The following NUP214 variants were observed in gnomAD, a reference collection of about 807,000 sequenced individuals.
The protein encoded by NUP214 is nuclear pore complex protein Nup214.
A neutral mutation model predicts 196.2 loss-of-function variants in NUP214; 79 were observed. That is an observed-to-expected ratio of 0.40 (90% CI 0.34 to 0.49). The LOEUF is 0.49. Ranked by LOEUF, NUP214 falls within the 20% of genes least tolerant of loss-of-function variation. The pLI is 0.58. For synonymous variants in NUP214, 1,020 were observed against 990.5 expected (o/e 1.03, Z -0.56); for missense variants, 2,468 against 2,539.0 (o/e 0.97, Z 0.60).
At chr9:131,170,803 C>CATTATTATT (rs3057994) in intron 21 of NUP214, among the ~76,000 whole-genome samples, 25 of 148,198 alleles carry the variant, frequency 1.7e-4, no homozygotes, top group African/African-American at 5.2e-4. Flanking sequence ...TTATTATTAT[C>CATTATTATT]ATTATTATTA....
chr9:131,174,270 A>G lies in NUP214; in HGVS notation c.3109A>G (p.Lys1037Glu), dbSNP rs902499481. The G allele has an allele frequency of 1.9e-6, 3 of 1,613,966 alleles. No homozygotes were observed. The highest frequency in any genetic ancestry group is 1.3e-5 in the African/African-American group (1 of 75,034). Residue 1037 changes from lysine to glutamate, a missense_variant, in exon 22 of 36, where the codon AAA becomes GAA. Physicochemically the swap from Lys to Glu is moderately conservative, Grantham distance 56. Transcript: ENST00000359428. ...CTTGCCCCATGCAGCACCTTTTGCTAAATCTCACCTGGTTCATGGTTCTTC... is the reference window on the plus strand; with the variant it reads ...CTTGCCCCATGCAGCACCTTTTGCTGAATCTCACCTGGTTCATGGTTCTTC... The part of the protein sequence containing the change: ...SLLPHAAPFA[K>E]SHLVHGSSPG...
At chr9:131,222,278 G>A (rs1293440476) in intron 31 of NUP214, among the ~76,000 whole-genome samples, 1 of 152,228 alleles carries the variant, frequency 6.6e-6, no homozygotes, top group Admixed American at 6.5e-5. Context: ...GACTATAAAA[G>A]CAGGAGGTAA....
intron 29 of NUP214, among the ~76,000 whole-genome samples, chr9:131,199,816 AT>A (rs1486356906): frequency 6.6e-6 from 1 of 152,234 alleles, no homozygotes; most frequent in East Asian, 1.9e-4. Context: ...CTAATTCATT[AT>A]TCGATGATAA....
chr9:131,170,377 A>AT (rs1420899620), intron 21 of NUP214, among the ~76,000 whole-genome samples: 1 of 152,088 alleles, frequency 6.6e-6, no homozygotes, highest in Non-Finnish European at 1.5e-5. Context: ...TGAGATTTTG[A>AT]TTGGAATTGT....
At chr9:131,184,026 CTTT>C (rs776765956) in intron 24 of NUP214, among the ~76,000 whole-genome samples, 18 of 104,356 alleles carry the variant, frequency 1.7e-4, no homozygotes, top group African/African-American at 6.6e-4. Context: ...TTTTCTTTTT[CTTT>C]TTTTTTTTTT....
intron 7 of NUP214, 98 bp from the exon 8 acceptor site, chr9:131,134,800 C>A: frequency 1.3e-6 from 1 of 755,148 alleles, no homozygotes. Flanking sequence ...TAAATATTCT[C>A]ATATAACTTT....
At chr9:131,209,836 A>G (rs1192241556) in intron 30 of NUP214, among the ~76,000 whole-genome samples, 1 of 152,224 alleles carries the variant, frequency 6.6e-6, no homozygotes, top group Non-Finnish European at 1.5e-5. Context: ...CTAAAGCAGC[A>G]CTAAAAAGTA....
In NUP214 at chr9:131,129,360, C is replaced by A. The variant is rs777867893; in HGVS notation, c.475C>A (p.Pro159Thr). ...GGMVIDMKWN[P>T]TVPSMVAVCL... ...CATGGTGATTGATATGAAGTGGAAC[C>A]CCACTGTCCCCTCCATGGTGGCAGT... The change falls in exon 4 of 36, where the codon CCC (proline) becomes ACC (threonine). Residue 159 changes from proline (P) to threonine (T), a missense_variant. This residue lies in a region of NUP214 where 392 missense variants were observed against 417.9 expected (regional missense o/e 0.94). Coordinates refer to ENST00000359428, the MANE Select transcript of NUP214 (RefSeq NM_005085.4). 1.9e-6 allele frequency: 3 copies of A among 1,614,106 alleles called. No homozygotes were observed. Among genetic ancestry groups the A allele is most frequent in the Non-Finnish European group, 2.5e-6 (3 of 1,180,022 alleles).
chr9:131,209,365 A>G (rs1440407588), intron 30 of NUP214, among the ~76,000 whole-genome samples: 2 of 152,152 alleles, frequency 1.3e-5, no homozygotes, highest in East Asian at 3.9e-4. Flanking sequence ...TGGGTGACAA[A>G]GTGAGAACCC....
Position 131,139,168 on chromosome 9 carries a change from A to G in NUP214, c.1006-113A>G, listed in dbSNP as rs972033738. On this transcript the variant is annotated intron_variant, in intron 9 of 35. Transcript: ENST00000359428. Reference sequence around the variant, plus strand: ...CACCTGAGTCTAAACCAAGTGAGTCATCTCTGTTCTCCTATTTGAACAATG... The same window carrying G: ...CACCTGAGTCTAAACCAAGTGAGTCGTCTCTGTTCTCCTATTTGAACAATG... The G allele has an allele frequency of 2.6e-5, 31 of 1,201,342 alleles. No homozygotes were observed. The East Asian group carries it at 3.3e-4, about 13-fold the overall frequency. The allele number at this position is 1,201,342 out of a possible 1,614,324, so 74.4% of individuals were successfully genotyped here. A position where few individuals can be genotyped will look rare whatever the true frequency, so the allele number is the denominator to read the frequency against.
At chr9:131,233,415 G>T in intron 35 of NUP214, 39 bp from the exon 36 acceptor site, 2 of 1,576,450 alleles carry the variant, frequency 1.3e-6, no homozygotes, top group South Asian at 2.3e-5. Flanking sequence ...CTCTGTGACA[G>T]AGCAGCTGAC....
At chr9:131,215,077 T>G (rs1834352449) in intron 30 of NUP214, 135 bp from the exon 31 acceptor site, 1 of 685,812 alleles carries the variant, frequency 1.5e-6, no homozygotes, top group Admixed American at 3.5e-5. Flanking sequence ...TTGTGGTGGT[T>G]AGAGCATTTG....
intron 23 of NUP214, among the ~76,000 whole-genome samples, chr9:131,177,107 A>T (rs1833141264): frequency 6.6e-6 from 1 of 152,214 alleles, no homozygotes; most frequent in South Asian, 2.1e-4. Flanking sequence ...TTATCAATTT[A>T]GAGTTTTTTT....
At chr9:131,183,381 G>T (rs775831309) in intron 24 of NUP214, among the ~76,000 whole-genome samples, 2 of 152,152 alleles carry the variant, frequency 1.3e-5, no homozygotes, top group African/African-American at 4.8e-5. Flanking sequence ...CACCGCGCCC[G>T]GCTGACTATC....
At chr9:131,127,815 A>G (rs1305143854) in intron 2 of NUP214, 96 bp downstream of exon 2, 3 of 889,782 alleles carry the variant, frequency 3.4e-6, no homozygotes, top group Non-Finnish European at 5.3e-6. Flanking sequence ...ACTAAAATGA[A>G]CACTGCTGTC....
At chr9:131,139,488 T>A (rs1831844736) in intron 10 of NUP214, 81 bp downstream of exon 10, 1 of 1,563,918 alleles carries the variant, frequency 6.4e-7, no homozygotes, top group Non-Finnish European at 8.6e-7. Flanking sequence ...TACATGTTAC[T>A]GACAGAGTCT....
At chr9:131,209,103 GCA>G (rs1248909910) in intron 30 of NUP214, among the ~76,000 whole-genome samples, 38 of 151,126 alleles carry the variant, frequency 2.5e-4, no homozygotes, top group African/African-American at 9.0e-4. Flanking sequence ...GGGCGCAGTG[GCA>G]CACACACCTG....
At chr9:131,227,618 C>G (rs1408487831) in intron 32 of NUP214, among the ~76,000 whole-genome samples, 1 of 152,206 alleles carries the variant, frequency 6.6e-6, no homozygotes, top group East Asian at 1.9e-4. Flanking sequence ...TGCTATGACC[C>G]AATTCAGGGA....
Position 131,162,994 on chromosome 9 carries a change from C to T in NUP214, c.2544C>T (p.His848=). The change falls in exon 19 of 36, where the codon CAC becomes CAT. Residue 848 remains histidine, a synonymous_variant. Coordinates refer to ENST00000359428, the MANE Select transcript of NUP214 (RefSeq NM_005085.4). ...CTTTTCTCATTGTTGTCAACAGGCACCTGCTTGTGCCAGAGCGAGAGACAC... is the reference window on the plus strand; with the variant it reads ...CTTTTCTCATTGTTGTCAACAGGCATCTGCTTGTGCCAGAGCGAGAGACAC... ...QHLEQKKKQR[H]LLVPERETLF... is the part of the protein sequence containing the mutation. The T allele has an allele frequency of 6.2e-7, 1 of 1,614,040 alleles. No individual in the cohort carries two copies. Among genetic ancestry groups the T allele is most frequent in the Non-Finnish European group, 8.5e-7 (1 of 1,179,978 alleles).
Sources: gnomAD v4.1 joint callset for allele counts (sites outside exome capture counted in the v4.1 genomes callset) on GRCh38, gnomAD v4.1.1 for gene constraint, gnomAD v4.1.1 regional missense constraint, MANE v1.5 for transcripts, NCBI Gene and HGNC (gene_info 2026-07-23, HGNC 2026-07-21) for gene names.